The following UGGT2 variants were observed in gnomAD, a reference collection of about 807,000 sequenced individuals.
The protein encoded by UGGT2 is UDP-glucose:glycoprotein glucosyltransferase 2.
In UGGT2, 180 loss-of-function variants were observed where a neutral mutation model predicts 192.1. That is an observed-to-expected ratio of 0.94 (90% CI 0.83 to 1.06). UGGT2 has a LOEUF of 1.06. UGGT2 is among the 50% of genes least tolerant of loss of function. The pLI, the probability that UGGT2 is intolerant of heterozygous loss-of-function variation, is 0.00. For missense variants in UGGT2, 1,849 were observed against 1,795.7 expected (o/e 1.03, Z -0.54); for synonymous variants, 580 against 591.0 (o/e 0.98, Z 0.27).
chr13:96,012,542 A>AG (rs2052195114), intron 5 of UGGT2, among the ~76,000 whole-genome samples: 1 of 152,082 alleles, frequency 6.6e-6, no homozygotes, highest in South Asian at 2.1e-4. Context: ...TAAACCAATG[A>AG]GAAAAAAAGA....
At chr13:95,959,673 A>G (rs1398529425) in intron 12 of UGGT2, among the ~76,000 whole-genome samples, 36 of 152,196 alleles carry the variant, frequency 2.4e-4, no homozygotes, top group Admixed American at 2.3e-3. Context: ...CAACACTGGC[A>G]TGGACCCTTA....
intron 38 of UGGT2, among the ~76,000 whole-genome samples, chr13:95,828,689 CA>C (rs1225143321): frequency 6.6e-6 from 1 of 151,722 alleles, no homozygotes; most frequent in African/African-American, 2.4e-5. Context: ...GCCTACCAAC[CA>C]AAAAAAACTC....
intron 5 of UGGT2, among the ~76,000 whole-genome samples, chr13:95,999,652 T>C (rs1244004042): frequency 6.6e-6 from 1 of 152,190 alleles, no homozygotes; most frequent in Non-Finnish European, 1.5e-5. Context: ...ACAAAACTGT[T>C]TTCCTTTTTG....
intron 37 of UGGT2, 138 bp from the exon 38 acceptor site, chr13:95,833,191 G>A: frequency 2.3e-6 from 2 of 863,668 alleles, no homozygotes; most frequent in South Asian, 4.2e-5. Flanking sequence ...AATACACACA[G>A]GATCAGGTGA....
intron 1 of UGGT2, among the ~76,000 whole-genome samples, chr13:96,050,051 G>A (rs1351748364): frequency 1.3e-5 from 2 of 152,134 alleles, no homozygotes; most frequent in African/African-American, 2.4e-5. Flanking sequence ...AACAAAGCTG[G>A]AGGCATCACG....
chr13:95,965,007 C>T (rs1439078217), intron 12 of UGGT2, among the ~76,000 whole-genome samples: 3 of 151,612 alleles, frequency 2.0e-5, no homozygotes, highest in Non-Finnish European at 3.0e-5. Flanking sequence ...CCATCACTGG[C>T]CATCAGAGAA....
intron 10 of UGGT2, among the ~76,000 whole-genome samples, chr13:95,974,344 G>A (rs890787276): frequency 1.3e-5 from 2 of 152,102 alleles, no homozygotes; most frequent in Non-Finnish European, 2.9e-5. Context: ...CCCCCAATCT[G>A]GCATCGAAAC....
chr13:95,900,780 A>G (rs2048082020), intron 22 of UGGT2, 27 bp downstream of exon 22: 2 of 1,595,590 alleles, frequency 1.3e-6, no homozygotes, highest in Non-Finnish European at 1.7e-6. Context: ...TCACTGAGAA[A>G]AGAGAGCAAT....
intron 20 of UGGT2, among the ~76,000 whole-genome samples, chr13:95,907,759 C>T (rs1043732608): frequency 6.6e-6 from 1 of 152,154 alleles, no homozygotes; most frequent in African/African-American, 2.4e-5. Context: ...ACATCAAAGA[C>T]CAAAGGTAGA....
chr13:95,806,047 A>C (rs528450439), intron 38 of UGGT2, among the ~76,000 whole-genome samples: 4 of 151,520 alleles, frequency 2.6e-5, no homozygotes, highest in East Asian at 3.9e-4. Flanking sequence ...AAAAAAAAAA[A>C]AAAAACACAC....
intron 17 of UGGT2, among the ~76,000 whole-genome samples, chr13:95,936,335 T>G (rs569489382): frequency 1.3e-5 from 2 of 152,244 alleles, no homozygotes; most frequent in African/African-American, 4.8e-5. Flanking sequence ...AGCTAGTAGA[T>G]AGCCCTTATG....
intron 10 of UGGT2, among the ~76,000 whole-genome samples, chr13:95,976,853 C>T (rs1328576927): frequency 6.6e-6 from 1 of 152,020 alleles, no homozygotes; most frequent in Non-Finnish European, 1.5e-5. Flanking sequence ...AAAACAGATA[C>T]ATAGATCAAA....
At chr13:96,046,895 C>A (rs1156523474) in intron 1 of UGGT2, among the ~76,000 whole-genome samples, 3 of 152,210 alleles carry the variant, frequency 2.0e-5, no homozygotes, top group Admixed American at 6.5e-5. Context: ...TGAGATCCAA[C>A]CGCAAGGCAG....
chr13:95,916,273 G>T (rs2048679648), intron 20 of UGGT2, among the ~76,000 whole-genome samples: 1 of 152,158 alleles, frequency 6.6e-6, no homozygotes, highest in South Asian at 2.1e-4. Context: ...AGCAACTAGG[G>T]TCTGGAGTGA....
chr13:95,969,711 T>G lies in UGGT2; in HGVS notation c.1335+401A>C, dbSNP rs1023163884. ...TCAAATGTTTTTCACAAAAATCACTTGGGCTGTAATACACACACCAGAACC... is the reference window on the plus strand; with the variant it reads ...TCAAATGTTTTTCACAAAAATCACTGGGGCTGTAATACACACACCAGAACC... On this transcript the variant is annotated intron_variant, in intron 12 of 38. Coordinates refer to ENST00000376747, the MANE Select transcript of UGGT2 (RefSeq NM_020121.4). Among the ~76,000 whole-genome samples the G allele has an allele frequency of 9.8e-5, 15 of 152,324 alleles. 2 individuals are homozygous for G. The South Asian group carries it at 2.7e-3, about 27-fold the overall frequency.
In UGGT2 at chr13:95,806,754, C is replaced by T. The variant is rs144939986; in HGVS notation, c.4529-4942G>A. ...TCCTTGCATATATGATCAAATGATT[C>T]TGACAAGGGTGTTCAGACCATTCAA... On this transcript the variant is annotated intron_variant, in intron 38 of 38. Coordinates refer to ENST00000376747, the MANE Select transcript of UGGT2 (RefSeq NM_020121.4). Among the ~76,000 whole-genome samples the T allele has an allele frequency of 2.5e-4, 38 of 152,182 alleles. No homozygotes were observed. In the East Asian group the frequency reaches 4.1e-3, roughly 16 times the overall value.
At chr13:95,819,785 G>T (rs922278804) in intron 38 of UGGT2, among the ~76,000 whole-genome samples, 2 of 152,052 alleles carry the variant, frequency 1.3e-5, no homozygotes, top group African/African-American at 2.4e-5. Flanking sequence ...AGGTCAAAGG[G>T]GTAGAATCAA....
At chr13:95,815,389 T>C (rs1884780696) in intron 38 of UGGT2, among the ~76,000 whole-genome samples, 1 of 152,162 alleles carries the variant, frequency 6.6e-6, no homozygotes, top group Non-Finnish European at 1.5e-5. Flanking sequence ...AATAAGTGAG[T>C]ATAGCAAAGC....
At chr13:95,954,719 A>C (rs1051187933) in intron 12 of UGGT2, among the ~76,000 whole-genome samples, 2 of 152,138 alleles carry the variant, frequency 1.3e-5, no homozygotes, top group African/African-American at 4.8e-5. Flanking sequence ...CATCTTACAT[A>C]TATCAATTGA....
Sources: gnomAD v4.1 joint callset for allele counts (sites outside exome capture counted in the v4.1 genomes callset) on GRCh38, gnomAD v4.1.1 for gene constraint, MANE v1.5 for transcripts, NCBI Gene and HGNC (gene_info 2026-07-23, HGNC 2026-07-21) for gene names.